POLH: variants seen among roughly 807,000 people sequenced by gnomAD.
POLH encodes the protein DNA polymerase eta transcript.
Under a neutral mutation model 73.6 loss-of-function variants are expected in POLH, and 53 were observed. The observed-to-expected ratio is 0.72, with a 90% CI of 0.58 to 0.91. The LOEUF (loss-of-function observed/expected upper bound fraction) is 0.91, where lower values mean the gene tolerates loss of function less well. Ranked by LOEUF, POLH falls within the 40% of genes least tolerant of loss-of-function variation. The pLI, the probability that POLH is intolerant of heterozygous loss-of-function variation, is 0.00. For missense variants in POLH, 768 were observed against 865.4 expected (o/e 0.89, Z 1.41); for synonymous variants, 292 against 308.5 (o/e 0.95, Z 0.56).
At chr6:43,608,831 C>T (rs1351053894) in intron 9 of POLH, among the ~76,000 whole-genome samples, 1 of 152,220 alleles carries the variant, frequency 6.6e-6, no homozygotes, top group African/African-American at 2.4e-5. Flanking sequence ...GGTTTCCCTT[C>T]ACACTTAAGG....
At chr6:43,580,934 CG>C (rs1367027464) in intron 1 of POLH, among the ~76,000 whole-genome samples, 1 of 131,904 alleles carries the variant, frequency 7.6e-6, no homozygotes, top group Non-Finnish European at 1.7e-5. Flanking sequence ...GCTGGCCAGG[CG>C]GGGGGCTGAC....
rs1478525313 is a variant in POLH at position 43,616,454 on chromosome 6, T to C, written c.*1897T>C. On this transcript the variant is annotated 3_prime_UTR_variant, in exon 11 of 11. Coordinates refer to ENST00000372236, the MANE Select transcript of POLH (RefSeq NM_006502.3). ...ACTAAAAAAAATTAGCTGGGCTTGGTGGCAGGCGCCTGTAATCCCAGGTAC... is the reference window on the plus strand; with the variant it reads ...ACTAAAAAAAATTAGCTGGGCTTGGCGGCAGGCGCCTGTAATCCCAGGTAC... Among the ~76,000 whole-genome samples, 1 of 151,558 alleles carries C rather than the reference T, an allele frequency of 6.6e-6. No homozygotes were observed. Among genetic ancestry groups the C allele is most frequent in the Admixed American group, 6.6e-5 (1 of 15,188 alleles).
At chr6:43,592,820 T>G (rs1403096856) in intron 4 of POLH, among the ~76,000 whole-genome samples, 1 of 152,244 alleles carries the variant, frequency 6.6e-6, no homozygotes, top group Non-Finnish European at 1.5e-5. Context: ...CATTGCCATT[T>G]TGTAACTGGT....
At chr6:43,602,995 CTTTTTTTTTT>C (rs59306548) in intron 6 of POLH, among the ~76,000 whole-genome samples, 94 of 114,030 alleles carry the variant, frequency 8.2e-4, no homozygotes, top group African/African-American at 3.4e-3. Flanking sequence ...TTATGTATTC[CTTTTTTTTTT>C]TTTTTTTTTT....
intron 4 of POLH, among the ~76,000 whole-genome samples, chr6:43,592,119 T>C (rs969121764): frequency 6.6e-5 from 10 of 152,186 alleles, no homozygotes; most frequent in African/African-American, 2.2e-4. Context: ...CATCTTATTA[T>C]ATGTAATGTT....
chr6:43,604,054 T>C (rs1767014708), intron 7 of POLH, 43 bp downstream of exon 7: 1 of 1,517,656 alleles, frequency 6.6e-7, no homozygotes, highest in Non-Finnish European at 9.1e-7. Flanking sequence ...TTTATGGAGA[T>C]GCTATATTCA....
rs1763347204 is a variant in POLH at position 43,576,436 on chromosome 6, C to A, written c.-9C>A. ...TGGCAGTTTTGCCAGGTGTTTGTTA[C>A]CTTGGTAAGAAAATTTAGAACCGTT... On this transcript the variant is annotated 5_prime_UTR_variant, in exon 1 of 11. Coordinates refer to ENST00000372236, the MANE Select transcript of POLH (RefSeq NM_006502.3). The A allele has an allele frequency of 6.6e-6, 1 of 152,250 alleles. No individual in the cohort carries two copies. Among genetic ancestry groups the A allele is most frequent in the Admixed American group, 6.5e-5 (1 of 15,280 alleles). The allele number at this position is 152,250 out of a possible 1,614,324, so 9.4% of individuals were successfully genotyped here.
chr6:43,578,092 A>G (rs1289304054), intron 1 of POLH, among the ~76,000 whole-genome samples: 5 of 140,616 alleles, frequency 3.6e-5, no homozygotes, highest in African/African-American at 1.3e-4. Flanking sequence ...GAAAAAAAAA[A>G]ATCCCCATGC....
chr6:43,587,294 G>A lies in POLH; in HGVS notation c.295G>A (p.Val99Met). ...TAGGTACCGGGAAGCCAGTGTTGAA[G>A]TGATGGAGATAATGTCTCGTTTTGC... ...LTKYREASVE[V>M]MEIMSRFAVI... The change falls in exon 4 of 11, where the codon GTG becomes ATG. Residue 99 changes from valine to methionine, a missense_variant. Val to Met is a conservative substitution (Grantham distance 21). Transcript: ENST00000372236. 6.2e-7 allele frequency: 1 copy of A among 1,614,120 alleles called. No homozygotes were observed. Among genetic ancestry groups the A allele is most frequent in the Non-Finnish European group, 8.5e-7 (1 of 1,179,940 alleles).
intron 1 of POLH, among the ~76,000 whole-genome samples, chr6:43,578,256 G>A (rs1034230592): frequency 1.4e-4 from 22 of 151,940 alleles, no homozygotes; most frequent in African/African-American, 4.8e-4. Context: ...GCGTGGTGGC[G>A]TGCGCCTGTA....
intron 3 of POLH, 78 bp from the exon 4 acceptor site, chr6:43,587,194 G>T (rs1764915166): frequency 9.9e-7 from 1 of 1,011,146 alleles, no homozygotes; most frequent in Admixed American, 1.7e-5. Flanking sequence ...TGTTCATTAT[G>T]GCAGGGTGGG....
rs766810281 is a variant in POLH at position 43,601,000 on chromosome 6, C to T, written c.673C>T (p.Leu225=). 2.5e-6 allele frequency: 4 copies of T among 1,613,684 alleles called. No homozygotes were observed. The Admixed American group carries it at 5.0e-5, about 20-fold the overall frequency. The change falls in exon 6 of 11, where the codon CTG becomes TTG. Residue 225 remains leucine (L), a synonymous_variant. Coordinates refer to ENST00000372236, the MANE Select transcript of POLH (RefSeq NM_006502.3). ...TGCATGCTTCCAGGTCCTGGCAAAACTGGCCTGTGGACTAAACAAGCCCAA... is the reference window on the plus strand; with the variant it reads ...TGCATGCTTCCAGGTCCTGGCAAAATTGGCCTGTGGACTAAACAAGCCCAA... ...GISHNKVLAK[L]ACGLNKPNRQ...
intron 2 of POLH, 89 bp downstream of exon 2, chr6:43,582,545 G>A (rs938903268): frequency 7.5e-7 from 1 of 1,331,876 alleles, no homozygotes; most frequent in Non-Finnish European, 1.1e-6. Flanking sequence ...TGGTGGTGGT[G>A]GTGACAGGGC....
intron 4 of POLH, among the ~76,000 whole-genome samples, chr6:43,587,896 G>A (rs1469513912): frequency 3.3e-5 from 5 of 152,228 alleles, no homozygotes; most frequent in South Asian, 2.1e-4. Flanking sequence ...GCATGGTGGC[G>A]CGTGCCTGTA....
rs140971385 is a variant in POLH, at chr6:43,614,443, C to G, written c.2028C>G (p.Ala676=). 3 of 1,614,026 alleles carry G rather than the reference C, an allele frequency of 1.9e-6. No homozygotes were observed. Among genetic ancestry groups the G allele is most frequent in the Non-Finnish European group, 2.5e-6 (3 of 1,180,038 alleles). The change falls in exon 11 of 11, where the codon GCC becomes GCG. Residue 676 remains alanine, a synonymous_variant. Transcript: ENST00000372236. ...PHSSNPQVVS[A]VSHQGKRNPK... ...CTTCAAACCCCCAGGTTGTTTCTGCCGTATCTCATCAAGGCAAAAGAAATC... is the reference window on the plus strand; with the variant it reads ...CTTCAAACCCCCAGGTTGTTTCTGCGGTATCTCATCAAGGCAAAAGAAATC...
rs760141371 is a variant in POLH, at chr6:43,601,110, T to C, written c.764+19T>C. On this transcript the variant is annotated intron_variant, in intron 6 of 10. Coordinates refer to ENST00000372236, the MANE Select transcript of POLH (RefSeq NM_006502.3). ...GCAAAATGTAAGTATTCAGGCAGCA[T>C]GTTAAATTTCACTTCTATCCATGTG... The C allele has an allele frequency of 6.5e-7, 1 of 1,532,342 alleles. No homozygotes were observed. Among genetic ancestry groups the C allele is most frequent in the South Asian group, 1.1e-5 (1 of 89,352 alleles). The allele number at this position is 1,532,342 out of a possible 1,614,324, so 94.9% of individuals were successfully genotyped here. A position where few individuals can be genotyped will look rare whatever the true frequency, so the allele number is the denominator to read the frequency against.
rs765469203 is a variant in POLH at position 43,613,905 on chromosome 6, C to T, written c.1490C>T (p.Ser497Leu). ...GAAAGGCAGAAAGTTAAAGAAGCTT[C>T]GCTTTCATCTCTTACTGCTCCCACT... ...AAERQKVKEA[S>L]LSSLTAPTQA... is the part of the protein sequence containing the mutation. The change falls in exon 11 of 11, where the codon TCG becomes TTG. Residue 497 changes from serine to leucine, a missense_variant. Ser to Leu is a moderately radical substitution (Grantham distance 145). Transcript: ENST00000372236. 1.5e-5 allele frequency: 24 copies of T among 1,613,734 alleles called. No homozygotes were observed. Among genetic ancestry groups the T allele is most frequent in the South Asian group, 6.6e-5 (6 of 91,094 alleles).
At chr6:43,608,591 G>A (rs1767549943) in intron 9 of POLH, among the ~76,000 whole-genome samples, 1 of 152,106 alleles carries the variant, frequency 6.6e-6, no homozygotes, top group Admixed American at 6.6e-5. Flanking sequence ...TACAACCTTA[G>A]CTCACTGCAG....
In POLH at chr6:43,617,545, TG is replaced by T. The variant is rs1768427381; in HGVS notation, c.*2989del. Among the ~76,000 whole-genome samples, 1 of 151,920 alleles carries T rather than the reference TG, an allele frequency of 6.6e-6. No individual in the cohort carries two copies. Among genetic ancestry groups the T allele is most frequent in the African/African-American group, 2.4e-5 (1 of 41,330 alleles). On this transcript the variant is annotated 3_prime_UTR_variant, in exon 11 of 11. Coordinates refer to ENST00000372236, the MANE Select transcript of POLH (RefSeq NM_006502.3). ...AGGAGGCTGAGGCAGGAGAATCACT[TG>T]AATCTGGGAGGCAGAGGTTGTAGTG...
Sources: allele counts gnomAD v4.1 joint callset (sites outside exome capture counted in the v4.1 genomes callset), GRCh38; gene constraint gnomAD v4.1.1; transcripts MANE v1.5; gene names NCBI Gene and HGNC (gene_info 2026-07-23, HGNC 2026-07-21).